The following DPP6 variants were observed in gnomAD, a reference collection of about 807,000 sequenced individuals.
DPP6 encodes dipeptidyl peptidase like 6, also known as A-type potassium channel modulatory protein DPP6.
A neutral mutation model predicts 122.6 loss-of-function variants in DPP6; 69 were observed. The observed-to-expected ratio is 0.56, with a 90% confidence interval of 0.46 to 0.69. DPP6 has a LOEUF of 0.69. Ranked by LOEUF, DPP6 falls within the 30% of genes least tolerant of loss-of-function variation. The pLI is 0.00. For missense variants in DPP6, 928 were observed against 1,116.9 expected (o/e 0.83, Z 2.41); for synonymous variants, 418 against 433.1 (o/e 0.97, Z 0.43).
At chr7:154,782,932 T>G (rs1797115765) in intron 10 of DPP6, among the ~76,000 whole-genome samples, 1 of 152,102 alleles carries the variant, frequency 6.6e-6, no homozygotes, top group Admixed American at 6.5e-5. Context: ...TATAGGCAAC[T>G]GCCACTAGGC....
chr7:154,862,992 G>A (rs537122699), intron 17 of DPP6, among the ~76,000 whole-genome samples: 1 of 152,116 alleles, frequency 6.6e-6, no homozygotes, highest in Non-Finnish European at 1.5e-5. Flanking sequence ...TTGACCTCCT[G>A]GGCTCAAGCA....
the DPP6 span, among the ~76,000 whole-genome samples, chr7:153,874,238 G>A: frequency 9.1e-3 from 1,252 of 137,688 alleles, 13 homozygotes; most frequent in African/African-American, 0.027. Context: ...ACACATAAGC[G>A]CGCGTGCGCA....
At chr7:153,866,476 C>A in the DPP6 span, among the ~76,000 whole-genome samples, 1 of 152,114 alleles carries the variant, frequency 6.6e-6, no homozygotes, top group Non-Finnish European at 1.5e-5. Context: ...TGTTCATATC[C>A]TTTGCCCACT....
chr7:154,799,175 G>T (rs932407779), intron 12 of DPP6, among the ~76,000 whole-genome samples: 4 of 152,182 alleles, frequency 2.6e-5, no homozygotes, highest in Non-Finnish European at 5.9e-5. Context: ...GTTGTAGCGA[G>T]CCTGCTAATT....
intron 1 of DPP6, among the ~76,000 whole-genome samples, chr7:153,911,371 G>A (rs1473958463): frequency 1.3e-5 from 2 of 152,132 alleles, no homozygotes; most frequent in Admixed American, 6.5e-5. Flanking sequence ...AGATCATAGT[G>A]TATGTTTATT....
chr7:154,494,617 A>G (rs1211457269), intron 3 of DPP6, among the ~76,000 whole-genome samples: 1 of 151,922 alleles, frequency 6.6e-6, no homozygotes, highest in Non-Finnish European at 1.5e-5. Flanking sequence ...TCTCCCTGGG[A>G]AATTATATTC....
rs540429276 is a variant in DPP6, at chr7:154,836,138, C to T, written c.1667-17642C>T. Reference sequence around the variant, plus strand: ...CTGGGTCCCACTTCTGTTTAATTACCGCGAGCCTTGTTTCTGCTGCCTGCC... The same window carrying T: ...CTGGGTCCCACTTCTGTTTAATTACTGCGAGCCTTGTTTCTGCTGCCTGCC... On this transcript the variant is annotated intron_variant, in intron 16 of 25. Transcript: ENST00000377770. 9.7e-4 allele frequency among the ~76,000 whole-genome samples: 147 copies of T among 152,314 alleles called. 1 individual carries two copies. The highest frequency in any genetic ancestry group is 1.9e-3 in the Admixed American group (29 of 15,306).
At chr7:154,018,695 A>C (rs1387170242) in intron 1 of DPP6, among the ~76,000 whole-genome samples, 1 of 152,260 alleles carries the variant, frequency 6.6e-6, no homozygotes, top group East Asian at 1.9e-4. Flanking sequence ...CTTTATACTC[A>C]GAGGAAATCA....
At chr7:154,694,436 A>AC (rs1365538812) in intron 7 of DPP6, among the ~76,000 whole-genome samples, 2 of 152,096 alleles carry the variant, frequency 1.3e-5, no homozygotes, top group Non-Finnish European at 2.9e-5. Context: ...ACATGGGGAA[A>AC]CCCCGTCTCC....
At chr7:154,684,482 A>G (rs1016696580) in intron 7 of DPP6, among the ~76,000 whole-genome samples, 5 of 152,210 alleles carry the variant, frequency 3.3e-5, no homozygotes, top group African/African-American at 1.2e-4. Context: ...CAAGATGAAA[A>G]TCAATTACTT....
chr7:154,837,231 C>T lies in DPP6; in HGVS notation c.1667-16549C>T, dbSNP rs567809795. 5.3e-5 allele frequency among the ~76,000 whole-genome samples: 8 copies of T among 151,102 alleles called. No individual in the cohort carries two copies. The South Asian group carries it at 1.5e-3, about 28-fold the overall frequency. On this transcript the variant is annotated intron_variant, in intron 16 of 25. Coordinates refer to ENST00000377770, the MANE Select transcript of DPP6 (RefSeq NM_130797.4). ...ACACATGCACACACATGCACACACA[C>T]ACGCATGCATAAGGCACATTCACAC... is the stretch of plus-strand genomic sequence containing the variant.
chr7:154,454,560 G>A (rs1820661058), intron 2 of DPP6, among the ~76,000 whole-genome samples: 1 of 152,092 alleles, frequency 6.6e-6, no homozygotes, highest in South Asian at 2.1e-4. Context: ...ATGAGCCCTC[G>A]GGGGACAGAG....
intron 1 of DPP6, among the ~76,000 whole-genome samples, chr7:154,002,411 T>A (rs946549358): frequency 6.6e-6 from 1 of 152,224 alleles, no homozygotes; most frequent in Non-Finnish European, 1.5e-5. Context: ...TTGCTCAACC[T>A]TACACCCCTC....
At chr7:154,151,961 T>G (rs568950508) in intron 1 of DPP6, among the ~76,000 whole-genome samples, 3 of 150,696 alleles carry the variant, frequency 2.0e-5, no homozygotes, top group African/African-American at 7.3e-5. Flanking sequence ...GTTTGGCACA[T>G]GACACATTGC....
chr7:154,229,979 T>C (rs957412014), intron 1 of DPP6, among the ~76,000 whole-genome samples: 3 of 152,222 alleles, frequency 2.0e-5, no homozygotes, highest in African/African-American at 7.2e-5. Context: ...TTATATATAT[T>C]TTAAAATGTT....
chr7:154,393,102 C>T (rs1814763152), intron 1 of DPP6, among the ~76,000 whole-genome samples: 2 of 152,254 alleles, frequency 1.3e-5, no homozygotes, highest in South Asian at 4.1e-4. Flanking sequence ...TTCTGTAGTC[C>T]TTTTAAGTAT....
At chr7:153,987,752 A>G (rs2129040665) in intron 1 of DPP6, among the ~76,000 whole-genome samples, 1 of 152,196 alleles carries the variant, frequency 6.6e-6, no homozygotes, top group Non-Finnish European at 1.5e-5. Context: ...TCCCCTTGGT[A>G]CCATTGATTT....
intron 1 of DPP6, among the ~76,000 whole-genome samples, chr7:154,270,706 A>G (rs1045991795): frequency 2.6e-5 from 4 of 152,176 alleles, no homozygotes; most frequent in African/African-American, 9.6e-5. Flanking sequence ...ACTTATTACC[A>G]GACTCAATAC....
intron 4 of DPP6, among the ~76,000 whole-genome samples, chr7:154,556,537 A>T (rs1254013850): frequency 6.6e-6 from 1 of 152,216 alleles, no homozygotes; most frequent in East Asian, 1.9e-4. Flanking sequence ...CAAATACACA[A>T]AATTACGTTC....
Sources: allele counts gnomAD v4.1 joint callset (sites outside exome capture counted in the v4.1 genomes callset), GRCh38; gene constraint gnomAD v4.1.1; transcripts MANE v1.5; gene names NCBI Gene and HGNC (gene_info 2026-07-23, HGNC 2026-07-21).